SLC4A10: variants seen among roughly 807,000 people sequenced by gnomAD.
The protein encoded by SLC4A10 is solute carrier family 4 member 10, also known as sodium-driven chloride bicarbonate exchanger.
A neutral mutation model predicts 137.7 loss-of-function variants in SLC4A10; 42 were observed. The observed-to-expected ratio is 0.30, with a 90% confidence interval of 0.24 to 0.39. The LOEUF is 0.39. Ranked by LOEUF, SLC4A10 falls within the 10% of genes least tolerant of loss-of-function variation. SLC4A10 has a pLI of 1.00. For missense variants in SLC4A10, 925 were observed against 1,355.0 expected (o/e 0.68, Z 4.98); for synonymous variants, 474 against 464.1 (o/e 1.02, Z -0.27).
At chr2:161,652,738 A>G (rs2036971732) in intron 1 of SLC4A10, among the ~76,000 whole-genome samples, 1 of 151,628 alleles carries the variant, frequency 6.6e-6, no homozygotes, top group Non-Finnish European at 1.5e-5. Flanking sequence ...ACCATTGATC[A>G]GCAACTTTCC....
intron 1 of SLC4A10, among the ~76,000 whole-genome samples, chr2:161,670,146 A>G (rs901269503): frequency 6.6e-6 from 1 of 152,032 alleles, no homozygotes; most frequent in East Asian, 1.9e-4. Context: ...GAAATGAATA[A>G]TGTTATCATT....
intron 13 of SLC4A10, 146 bp from the exon 14 acceptor site, chr2:161,904,630 C>A (rs1234896654): frequency 1.9e-5 from 17 of 876,018 alleles, no homozygotes; most frequent in Non-Finnish European, 2.9e-5. Flanking sequence ...CTTTAGTCAT[C>A]CTTCTACCCC....
chr2:161,948,239 A>G (rs1380134332), intron 17 of SLC4A10, among the ~76,000 whole-genome samples: 1 of 152,144 alleles, frequency 6.6e-6, no homozygotes, highest in Non-Finnish European at 1.5e-5. Context: ...GCAAAGTAAC[A>G]CCTATAATGT....
At chr2:161,957,500 C>A (rs1195024901) in intron 20 of SLC4A10, among the ~76,000 whole-genome samples, 1 of 152,076 alleles carries the variant, frequency 6.6e-6, no homozygotes, top group African/African-American at 2.4e-5. Flanking sequence ...AATTTTGAAT[C>A]GGTGATCAAG....
At chr2:161,893,421 G>T (rs1386589956) in intron 10 of SLC4A10, among the ~76,000 whole-genome samples, 1 of 152,086 alleles carries the variant, frequency 6.6e-6, no homozygotes, top group African/African-American at 2.4e-5. Context: ...AAAAGTCAGG[G>T]TGCAGTAGCT....
intron 15 of SLC4A10, among the ~76,000 whole-genome samples, chr2:161,929,694 C>T (rs952371897): frequency 6.6e-6 from 1 of 152,140 alleles, no homozygotes; most frequent in African/African-American, 2.4e-5. Context: ...TGGGCCCTCC[C>T]CTTACTGTGC....
At chr2:161,782,645 A>G (rs1184587414) in intron 2 of SLC4A10, among the ~76,000 whole-genome samples, 1 of 150,706 alleles carries the variant, frequency 6.6e-6, no homozygotes. Context: ...AGAGATAGAA[A>G]ATATCTTAAA....
chr2:161,971,732 C>T (rs1698576820), intron 23 of SLC4A10, among the ~76,000 whole-genome samples: 1 of 152,224 alleles, frequency 6.6e-6, no homozygotes, highest in Non-Finnish European at 1.5e-5. Context: ...CATCCCCGCG[C>T]TCCGGGGCCC....
intron 15 of SLC4A10, among the ~76,000 whole-genome samples, chr2:161,909,177 A>G (rs1279742647): frequency 2.6e-5 from 4 of 151,900 alleles, no homozygotes; most frequent in Non-Finnish European, 5.9e-5. Context: ...GCACATGTAT[A>G]CATATGTAAC....
In SLC4A10 at chr2:161,860,119, T is replaced by C. The variant is rs80118238; in HGVS notation, c.578-2755T>C. On this transcript the variant is annotated intron_variant, in intron 5 of 26. Transcript: ENST00000446997. The stretch of plus-strand genomic sequence containing the variant: ...TACTTAAATGTCACCCTAGTATAAA[T>C]TATATTCTTAAGCAAAATGAGTAAT... Among the ~76,000 whole-genome samples, 671 of 152,310 alleles carry C rather than the reference T, an allele frequency of 4.4e-3. 5 individuals carry two copies. The highest frequency in any genetic ancestry group is 0.015 in the African/African-American group (640 of 41,576).
At chr2:161,635,762 G>T (rs943145662) in intron 1 of SLC4A10, among the ~76,000 whole-genome samples, 2 of 152,108 alleles carry the variant, frequency 1.3e-5, no homozygotes, top group African/African-American at 4.8e-5. Flanking sequence ...CTGAAGTATT[G>T]GTTATAGCTA....
chr2:161,972,750 C>T (rs1160507998), intron 23 of SLC4A10, among the ~76,000 whole-genome samples: 1 of 152,156 alleles, frequency 6.6e-6, no homozygotes, highest in Admixed American at 6.5e-5. Context: ...TCTGGCATCT[C>T]CATTATCCCG....
chr2:161,635,605 G>C (rs903223794), intron 1 of SLC4A10, among the ~76,000 whole-genome samples: 4 of 152,118 alleles, frequency 2.6e-5, no homozygotes, highest in African/African-American at 7.2e-5. Flanking sequence ...ATTCATCAAA[G>C]AAATGCTTCA....
rs554180541 is a variant in SLC4A10 at position 161,653,865 on chromosome 2, G to A, written c.48+29299G>A. The stretch of plus-strand genomic sequence containing the variant: ...ACAATTAATATGGGAATGCAGGCAT[G>A]TAGATATCTCTTCAAAATGCTGATT... On this transcript the variant is annotated intron_variant, in intron 1 of 26. Transcript: ENST00000446997. 7.2e-5 allele frequency among the ~76,000 whole-genome samples: 11 copies of A among 152,342 alleles called. No individual in the cohort carries two copies. The East Asian group carries it at 1.3e-3, about 19-fold the overall frequency.
intron 9 of SLC4A10, among the ~76,000 whole-genome samples, chr2:161,882,092 A>G (rs922565866): frequency 2.6e-5 from 4 of 151,674 alleles, no homozygotes; most frequent in African/African-American, 9.7e-5. Flanking sequence ...ACAACTGCAC[A>G]TGCTGTACAG....
chr2:161,661,609 A>G (rs1311090620), intron 1 of SLC4A10, among the ~76,000 whole-genome samples: 1 of 152,212 alleles, frequency 6.6e-6, no homozygotes, highest in Non-Finnish European at 1.5e-5. Context: ...TGCTTTATGG[A>G]ATTTTACTGT....
chr2:161,660,965 T>G (rs948679393), intron 1 of SLC4A10, among the ~76,000 whole-genome samples: 17 of 151,920 alleles, frequency 1.1e-4, no homozygotes, highest in African/African-American at 4.1e-4. Flanking sequence ...CAGCCATGTA[T>G]GCATTTTTCT....
chr2:161,841,593 A>G (rs1482300355), intron 4 of SLC4A10, among the ~76,000 whole-genome samples: 2 of 152,206 alleles, frequency 1.3e-5, no homozygotes, highest in Non-Finnish European at 2.9e-5. Context: ...TATGAAAAAG[A>G]ATGTTGTGAA....
At position 161,834,437 on chromosome 2, in the gene SLC4A10, G is replaced by T. The variant is rs545735463; in HGVS notation, c.278-5352G>T. Among the ~76,000 whole-genome samples the T allele has an allele frequency of 1.3e-3, 196 of 152,254 alleles. 1 individual carries two copies. The highest frequency in any genetic ancestry group is 2.7e-3 in the Admixed American group (42 of 15,296). The stretch of plus-strand genomic sequence containing the variant: ...GAATGGAACACACTCTGCATTTCAG[G>T]TGCAGGAGTAAAATCAATGATCTTT... On this transcript the variant is annotated intron_variant, in intron 3 of 26. Coordinates refer to ENST00000446997, the MANE Select transcript of SLC4A10 (RefSeq NM_001178015.2).
Sources: gnomAD v4.1 joint callset for allele counts (sites outside exome capture counted in the v4.1 genomes callset) on GRCh38, gnomAD v4.1.1 for gene constraint, MANE v1.5 for transcripts, NCBI Gene and HGNC (gene_info 2026-07-23, HGNC 2026-07-21) for gene names.